Variants in RBFOX1 observed in about 807,000 individuals in gnomAD.
RBFOX1 encodes RNA binding protein fox-1 homolog 1.
A neutral mutation model predicts 57.7 loss-of-function variants in RBFOX1; 8 were observed. The ratio of observed to expected loss-of-function variants is 0.14; its 90% CI spans 0.08 to 0.25. RBFOX1 has a LOEUF of 0.25. Ranked by LOEUF, RBFOX1 falls within the 10% of genes least tolerant of loss-of-function variation. RBFOX1 has a pLI of 1.00. For missense variants in RBFOX1, 611 were observed against 548.5 expected (o/e 1.11, Z -1.14); for synonymous variants, 326 against 222.4 (o/e 1.47, Z -4.15).
intron 3 of RBFOX1, among the ~76,000 whole-genome samples, chr16:5,818,066 G>C (rs1180378253): frequency 3.3e-5 from 5 of 152,158 alleles, no homozygotes; most frequent in Non-Finnish European, 7.4e-5. Context: ...TTAAGCAGGA[G>C]ACAGGTAAAT....
At chr16:5,878,336 C>G (rs2057670584) in intron 4 of RBFOX1, among the ~76,000 whole-genome samples, 1 of 152,178 alleles carries the variant, frequency 6.6e-6, no homozygotes, top group Non-Finnish European at 1.5e-5. Context: ...TAAATTACCT[C>G]TTTTATTCCT....
chr16:7,593,030 G>C (rs1011700723), intron 7 of RBFOX1, among the ~76,000 whole-genome samples: 5 of 151,108 alleles, frequency 3.3e-5, no homozygotes, highest in Admixed American at 1.3e-4. Context: ...ACTCAGCCTG[G>C]TCTCAAACTC....
At chr16:6,744,927 A>G (rs1231797667) in intron 3 of RBFOX1, among the ~76,000 whole-genome samples, 1 of 152,094 alleles carries the variant, frequency 6.6e-6, no homozygotes, top group Admixed American at 6.5e-5. Flanking sequence ...AGTAAAATCA[A>G]TACACTTTTA....
intron 11 of RBFOX1, among the ~76,000 whole-genome samples, chr16:7,634,336 TGTTTTTTTGC>T (rs1299012168): frequency 6.6e-6 from 1 of 152,188 alleles, no homozygotes; most frequent in Non-Finnish European, 1.5e-5. Context: ...GCTTCGTTTT[TGTTTTTTTGC>T]GTTTTTTTCC....
At chr16:6,189,959 C>T (rs2097131584) in intron 1 of RBFOX1, among the ~76,000 whole-genome samples, 1 of 152,044 alleles carries the variant, frequency 6.6e-6, no homozygotes, top group Non-Finnish European at 1.5e-5. Context: ...TGGAGATTTT[C>T]CCCAATGTTT....
At chr16:7,362,457 T>G (rs1359203193) in intron 4 of RBFOX1, among the ~76,000 whole-genome samples, 1 of 151,760 alleles carries the variant, frequency 6.6e-6, no homozygotes, top group Non-Finnish European at 1.5e-5. Flanking sequence ...GTAGTATATA[T>G]ATGTTTTTGT....
chr16:7,397,868 C>T (rs1432916747), intron 4 of RBFOX1, among the ~76,000 whole-genome samples: 1 of 152,106 alleles, frequency 6.6e-6, no homozygotes, highest in South Asian at 2.1e-4. Context: ...TCTATTGGAA[C>T]CTTAGTTTTC....
At chr16:7,345,372 T>A (rs2096977636) in intron 4 of RBFOX1, among the ~76,000 whole-genome samples, 2 of 152,238 alleles carry the variant, frequency 1.3e-5, no homozygotes, top group African/African-American at 4.8e-5. Flanking sequence ...GACCGTCCGA[T>A]GACCATCTTA....
chr16:6,504,827 G>A (rs1430354930), intron 2 of RBFOX1, among the ~76,000 whole-genome samples: 4 of 152,088 alleles, frequency 2.6e-5, no homozygotes, highest in Non-Finnish European at 4.4e-5. Context: ...AGGCCGAGGT[G>A]GGTGAATCAC....
intron 4 of RBFOX1, among the ~76,000 whole-genome samples, chr16:7,248,428 C>A (rs891417339): frequency 2.6e-5 from 4 of 152,192 alleles, no homozygotes; most frequent in Admixed American, 2.0e-4. Context: ...CCCTTCATAT[C>A]TTTCCAGTCA....
intron 14 of RBFOX1, among the ~76,000 whole-genome samples, chr16:7,685,194 C>T (rs1052696445): frequency 6.6e-6 from 1 of 152,068 alleles, no homozygotes; most frequent in Non-Finnish European, 1.5e-5. Flanking sequence ...CTGTTCTACC[C>T]CGATATGCCA....
At chr16:6,781,949 C>A (rs562209677) in intron 3 of RBFOX1, among the ~76,000 whole-genome samples, 1 of 152,076 alleles carries the variant, frequency 6.6e-6, no homozygotes, top group African/African-American at 2.4e-5. Context: ...TTGGGTTTAG[C>A]CTGCTCTTAC....
At chr16:5,859,598 C>T (rs922225564) in intron 3 of RBFOX1, among the ~76,000 whole-genome samples, 1 of 152,128 alleles carries the variant, frequency 6.6e-6, no homozygotes, top group Non-Finnish European at 1.5e-5. Context: ...AGTGGAAAAT[C>T]ACAAAGAACA....
intron 2 of RBFOX1, among the ~76,000 whole-genome samples, chr16:5,584,476 T>C (rs982754672): frequency 6.6e-5 from 10 of 152,242 alleles, no homozygotes; most frequent in African/African-American, 2.4e-4. Flanking sequence ...TCTGATACCA[T>C]TGCCCACTTG....
chr16:6,692,165 A>T (rs1372799322), intron 3 of RBFOX1, among the ~76,000 whole-genome samples: 1 of 152,220 alleles, frequency 6.6e-6, no homozygotes, highest in African/African-American at 2.4e-5. Context: ...TTTACAGATG[A>T]CAAAACCAAG....
intron 3 of RBFOX1, among the ~76,000 whole-genome samples, 187 bp from the exon 4 acceptor site, chr16:7,051,870 T>A (rs547998395): frequency 1.3e-5 from 2 of 152,320 alleles, no homozygotes; most frequent in African/African-American, 2.4e-5. Context: ...TAGCTGTGCT[T>A]CTGAATCACA....
At chr16:6,634,724 CAA>C (rs1234563440) in intron 2 of RBFOX1, among the ~76,000 whole-genome samples, 2 of 139,218 alleles carry the variant, frequency 1.4e-5, no homozygotes, top group African/African-American at 5.3e-5. Context: ...ATATATAATA[CAA>C]AGATATATTT....
intron 4 of RBFOX1, among the ~76,000 whole-genome samples, chr16:7,059,690 C>T (rs1183082270): frequency 6.6e-6 from 1 of 152,126 alleles, no homozygotes; most frequent in Admixed American, 6.6e-5. Flanking sequence ...CTTTATAAAG[C>T]ATATTGGCAG....
chr16:6,310,873 A>G (rs1173780161), intron 1 of RBFOX1, among the ~76,000 whole-genome samples: 1 of 150,620 alleles, frequency 6.6e-6, no homozygotes, highest in Non-Finnish European at 1.5e-5. Flanking sequence ...TGAAGCTATG[A>G]AGAACAGGTG....
Sources: gnomAD v4.1 joint callset for allele counts (sites outside exome capture counted in the v4.1 genomes callset) on GRCh38, gnomAD v4.1.1 for gene constraint, MANE v1.5 for transcripts, NCBI Gene and HGNC (gene_info 2026-07-23, HGNC 2026-07-21) for gene names.